Variants in ELL2 observed in about 807,000 individuals in gnomAD.
ELL2 encodes the protein elongation factor for RNA polymerase II 2.
In ELL2, 21 loss-of-function variants were observed where a neutral mutation model predicts 72.8. That is an observed-to-expected ratio of 0.29 (90% CI 0.20 to 0.42). The LOEUF (loss-of-function observed/expected upper bound fraction) is 0.42. Among genes scored for constraint, ELL2 ranks in the 10% least tolerant of loss-of-function variants. The pLI is 1.00. For missense variants in ELL2, 568 were observed against 772.8 expected, an observed-to-expected ratio of 0.73 and a Z score of 3.14; for synonymous variants, 266 against 283.2, an observed-to-expected ratio of 0.94 and a Z score of 0.61.
chr5:95,920,371 C>T (rs867502071), intron 2 of ELL2, among the ~76,000 whole-genome samples: 3 of 150,698 alleles, frequency 2.0e-5, no homozygotes, highest in Middle Eastern at 3.4e-3. Flanking sequence ...ACTGCAGTGG[C>T]GCGATCTTGG....
intron 3 of ELL2, among the ~76,000 whole-genome samples, chr5:95,918,864 T>C (rs2112309530): frequency 6.6e-6 from 1 of 150,768 alleles, no homozygotes; most frequent in East Asian, 1.9e-4. Flanking sequence ...TGTATATTCT[T>C]GTCTTCCTCC....
intron 4 of ELL2, 166 bp downstream of exon 4, chr5:95,913,605 G>C: frequency 1.6e-6 from 1 of 629,136 alleles, no homozygotes; most frequent in Non-Finnish European, 2.5e-6. Flanking sequence ...CAATTTACTG[G>C]CAGTCTGAAG....
Position 95,909,160 on chromosome 5 carries a change from T to C in ELL2, c.482-2378A>G, listed in dbSNP as rs78713284. Among the ~76,000 whole-genome samples, 1,290 of 152,246 alleles carry C rather than the reference T, an allele frequency of 8.5e-3. 22 individuals carry two copies. The highest frequency in any genetic ancestry group is 0.029 in the African/African-American group (1,194 of 41,530). On this transcript the variant is annotated intron_variant, in intron 4 of 11. Coordinates refer to ENST00000237853, the MANE Select transcript of ELL2 (RefSeq NM_012081.6). ...AGGCTAACTTTGCCCTTAAAAGGGA[T>C]ATAAGTATGATGTTTGGCAAGAAAG...
chr5:95,933,794 GA>G (rs1284938387), intron 2 of ELL2, among the ~76,000 whole-genome samples: 1 of 149,150 alleles, frequency 6.7e-6, no homozygotes, highest in Non-Finnish European at 1.5e-5. Context: ...AGAGGTTAGA[GA>G]TTTTTTTTTT....
chr5:95,890,594 T>A (rs567525290), intron 10 of ELL2, among the ~76,000 whole-genome samples: 3 of 152,362 alleles, frequency 2.0e-5, no homozygotes, highest in South Asian at 4.1e-4. Context: ...TAAGACTGGT[T>A]AACAAAGATC....
At chr5:95,930,425 C>T (rs769546288) in intron 2 of ELL2, among the ~76,000 whole-genome samples, 3 of 152,072 alleles carry the variant, frequency 2.0e-5, no homozygotes, top group Non-Finnish European at 4.4e-5. Flanking sequence ...AAGCCCAAGC[C>T]CCAGATTTTG....
At chr5:95,912,529 G>C (rs1749646169) in intron 4 of ELL2, among the ~76,000 whole-genome samples, 1 of 152,170 alleles carries the variant, frequency 6.6e-6, no homozygotes, top group Non-Finnish European at 1.5e-5. Context: ...TTGAGATTTA[G>C]TCTACTAACC....
chr5:95,941,377 A>G (rs1750962528), intron 2 of ELL2, among the ~76,000 whole-genome samples: 2 of 152,168 alleles, frequency 1.3e-5, no homozygotes, highest in African/African-American at 4.8e-5. Flanking sequence ...AAATTTAGAA[A>G]AGGTGGTCTA....
intron 5 of ELL2, 56 bp from the exon 6 acceptor site, chr5:95,901,136 T>C: frequency 1.3e-6 from 2 of 1,534,576 alleles, no homozygotes; most frequent in South Asian, 1.3e-5. Context: ...TCTCCTAACC[T>C]AAAACAGGCA....
rs1467832559 is a variant in ELL2 at position 95,886,203 on chromosome 5, G to GA, written c.*2667dup. 1 of 152,148 alleles carries GA rather than the reference G, an allele frequency of 6.6e-6. No individual in the cohort carries two copies. Among genetic ancestry groups the GA allele is most frequent in the Non-Finnish European group, 1.5e-5 (1 of 68,024 alleles). The allele number at this position is 152,148 out of a possible 1,614,324, so 9.4% of individuals were successfully genotyped here. On this transcript the variant is annotated 3_prime_UTR_variant, in exon 12 of 12. Transcript: ENST00000237853. The stretch of plus-strand genomic sequence containing the variant: ...CTATTCCTGTAGTAATCATTTGTAA[G>GA]AATCTAAAAGTCTTGCAGTAGGGGA...
In ELL2 at chr5:95,885,677, G is replaced by C. The variant is rs943484897; in HGVS notation, c.*3194C>G. 1 of 152,068 alleles carries C rather than the reference G, an allele frequency of 6.6e-6. No homozygotes were observed. The highest frequency in any genetic ancestry group is 1.5e-5 in the Non-Finnish European group (1 of 68,034). 9.4% of individuals were successfully genotyped at this position (152,068 alleles called of 1,614,324 possible). On this transcript the variant is annotated 3_prime_UTR_variant, in exon 12 of 12. Coordinates refer to ENST00000237853, the MANE Select transcript of ELL2 (RefSeq NM_012081.6). ...TCAACATCTTCCAATATGCAAGCAGGCATTTGTTTTACATAAGGTGAAACA... is the reference window on the plus strand; with the variant it reads ...TCAACATCTTCCAATATGCAAGCAGCCATTTGTTTTACATAAGGTGAAACA...
intron 6 of ELL2, 28 bp from the exon 7 acceptor site, chr5:95,900,808 A>C (rs1255490472): frequency 7.6e-6 from 12 of 1,579,872 alleles, no homozygotes; most frequent in Non-Finnish European, 9.4e-6. Flanking sequence ...GTTATGTGTT[A>C]AGGAGATGAT....
intron 2 of ELL2, among the ~76,000 whole-genome samples, chr5:95,936,593 G>A (rs1032898906): frequency 2.0e-5 from 3 of 152,054 alleles, no homozygotes; most frequent in Non-Finnish European, 2.9e-5. Context: ...GACCAGGCTG[G>A]GCAATATAGG....
At chr5:95,930,396 G>A (rs1212839228) in intron 2 of ELL2, among the ~76,000 whole-genome samples, 1 of 152,118 alleles carries the variant, frequency 6.6e-6, no homozygotes, top group African/African-American at 2.4e-5. Flanking sequence ...AAGTCCTCAA[G>A]GTTAACAGAA....
At chr5:95,949,681 A>T (rs1033244310) in intron 1 of ELL2, among the ~76,000 whole-genome samples, 1 of 148,844 alleles carries the variant, frequency 6.7e-6, no homozygotes, top group African/African-American at 2.5e-5. Context: ...CTGCATTATA[A>T]GCCATGATAA....
chr5:95,924,271 T>A (rs1750206366), intron 2 of ELL2, among the ~76,000 whole-genome samples: 1 of 152,212 alleles, frequency 6.6e-6, no homozygotes. Context: ...AGCATTTTCT[T>A]AAAAACTAGC....
chr5:95,932,908 A>T (rs1750647460), intron 2 of ELL2, among the ~76,000 whole-genome samples: 1 of 152,212 alleles, frequency 6.6e-6, no homozygotes, highest in Non-Finnish European at 1.5e-5. Context: ...TCTCCCCACC[A>T]TATTGGGAGA....
chr5:95,919,376 C>T (rs779069726), intron 3 of ELL2, 48 bp downstream of exon 3: 54 of 1,558,286 alleles, frequency 3.5e-5, no homozygotes, highest in Non-Finnish European at 4.1e-5. Context: ...CTAAAACCCT[C>T]TTAAATAAAA....
At chr5:95,955,200 T>C (rs1751585632) in intron 1 of ELL2, among the ~76,000 whole-genome samples, 1 of 152,188 alleles carries the variant, frequency 6.6e-6, no homozygotes, top group Non-Finnish European at 1.5e-5. Context: ...CCAAGGATTT[T>C]AGACCAATAA....
Sources: gnomAD v4.1 joint callset for allele counts (sites outside exome capture counted in the v4.1 genomes callset) on GRCh38, gnomAD v4.1.1 for gene constraint, MANE v1.5 for transcripts, NCBI Gene and HGNC (gene_info 2026-07-23, HGNC 2026-07-21) for gene names.